The following CPSF7 variants were observed in gnomAD, a reference collection of about 807,000 sequenced individuals.
CPSF7 encodes the protein cleavage and polyadenylation specific factor 7.
Under a neutral mutation model 44.3 loss-of-function variants are expected in CPSF7, and 1 was observed. The ratio of observed to expected loss-of-function variants is 0.02; its 90% CI spans 0.01 to 0.11. The LOEUF (loss-of-function observed/expected upper bound fraction) is 0.11. CPSF7 is among the 10% of genes least tolerant of loss of function. The pLI is 1.00. For synonymous variants in CPSF7, 202 were observed against 222.0 expected (o/e 0.91, Z 0.80); for missense variants, 443 against 607.2 (o/e 0.73, Z 2.84).
chr11:61,420,869 T>C (rs1338929188), intron 3 of CPSF7: 1 of 487,698 alleles, frequency 2.1e-6, no homozygotes, highest in Non-Finnish European at 3.7e-6. Flanking sequence ...AATTTTTTAA[T>C]TATAGATCTG....
intron 2 of CPSF7, among the ~76,000 whole-genome samples, chr11:61,422,790 A>G (rs1861004586): frequency 6.6e-6 from 1 of 152,176 alleles, no homozygotes; most frequent in Non-Finnish European, 1.5e-5. Flanking sequence ...TATATACCAA[A>G]ACCCCTAAAA....
At chr11:61,410,141 A>T (rs1859721825) in intron 9 of CPSF7, among the ~76,000 whole-genome samples, 1 of 151,672 alleles carries the variant, frequency 6.6e-6, no homozygotes, top group Non-Finnish European at 1.5e-5. Context: ...ACTGTCGCTC[A>T]GGCCAGAGTG....
intron 2 of CPSF7, 45 bp from the exon 3 acceptor site, chr11:61,421,653 T>C (rs2135372890): frequency 1.5e-6 from 2 of 1,335,852 alleles, no homozygotes; most frequent in Non-Finnish European, 2.1e-6. Flanking sequence ...AAACTTCATT[T>C]TGTTCATTCT....
chr11:61,428,089 A>C (rs926793149), intron 2 of CPSF7, among the ~76,000 whole-genome samples: 2 of 152,246 alleles, frequency 1.3e-5, no homozygotes, highest in African/African-American at 4.8e-5. Flanking sequence ...GCAAGATATT[A>C]GTACGTTTTC....
Position 61,404,501 on chromosome 11 carries a change from T to C in CPSF7, c.*209A>G, listed in dbSNP as rs1172213879. On this transcript the variant is annotated 3_prime_UTR_variant, in exon 10 of 10. Coordinates refer to ENST00000439958, the MANE Select transcript of CPSF7 (RefSeq NM_001142565.3). The stretch of plus-strand genomic sequence containing the variant: ...AATCACACGAAGTCTTTAGGTTCTT[T>C]CCCCTGGCAAACAGGAGGTGTGGGA... 4.6e-5 allele frequency: 7 copies of C among 152,610 alleles called. No homozygotes were observed. Among genetic ancestry groups the C allele is most frequent in the Non-Finnish European group, 1.0e-4 (7 of 68,064 alleles). The allele number at this position is 152,610 out of a possible 1,614,324, so 9.5% of individuals were successfully genotyped here.
chr11:61,406,732 CTTATT>C (rs1859361785), intron 9 of CPSF7, among the ~76,000 whole-genome samples: 1 of 152,150 alleles, frequency 6.6e-6, no homozygotes, highest in Admixed American at 6.5e-5. Flanking sequence ...ATAGTCTCAT[CTTATT>C]TTATTTTTAT....
chr11:61,406,867 C>G (rs1859378349), intron 9 of CPSF7, among the ~76,000 whole-genome samples: 1 of 152,098 alleles, frequency 6.6e-6, no homozygotes, highest in South Asian at 2.1e-4. Context: ...CTAAGTGCCC[C>G]CAAGTAGCTG....
Position 61,406,403 on chromosome 11 carries a change from C to G in CPSF7, c.*6-1699G>C, listed in dbSNP as rs183525184. ...CTAAAAGGTTGCTATAAATGAGGACCATGTACCATCTTCCCAACATGAAAC... is the reference window on the plus strand; with the variant it reads ...CTAAAAGGTTGCTATAAATGAGGACGATGTACCATCTTCCCAACATGAAAC... On this transcript the variant is annotated intron_variant, in intron 9 of 9. Transcript: ENST00000439958. Among the ~76,000 whole-genome samples, 1,102 of 152,232 alleles carry G rather than the reference C, an allele frequency of 7.2e-3. 10 individuals carry two copies. The highest frequency in any genetic ancestry group is 0.019 in the South Asian group (90 of 4,830).
Position 61,411,019 on chromosome 11 carries a change from C to T in CPSF7, c.1313G>A (p.Arg438Gln), listed in dbSNP as rs765883370. The change falls in exon 9 of 10, where the codon CGG becomes CAG. Residue 438 changes from arginine to glutamine, a missense_variant. By Grantham distance (43) the Arg-to-Gln change is conservative. Coordinates refer to ENST00000439958, the MANE Select transcript of CPSF7 (RefSeq NM_001142565.3). ...CCTTTCTTGGAAATAATCATCATGCCGATCTTCATTATGAAGCAGATCCCG... is the reference window on the plus strand; with the variant it reads ...CCTTTCTTGGAAATAATCATCATGCTGATCTTCATTATGAAGCAGATCCCG... Reference protein sequence around the residue: ...RHRDLLHNEDRHDDYFQERNR... With the variant: ...RHRDLLHNEDQHDDYFQERNR... The T allele has an allele frequency of 3.1e-6, 5 of 1,613,578 alleles. No homozygotes were observed. Among genetic ancestry groups the T allele is most frequent in the Non-Finnish European group, 4.2e-6 (5 of 1,179,928 alleles).
intron 2 of CPSF7, among the ~76,000 whole-genome samples, chr11:61,423,831 A>T (rs975353128): frequency 6.6e-6 from 1 of 152,238 alleles, no homozygotes; most frequent in African/African-American, 2.4e-5. Context: ...TATTATAAGA[A>T]CCTTTGGAAA....
At chr11:61,423,444 T>C (rs1457895032) in intron 2 of CPSF7, among the ~76,000 whole-genome samples, 1 of 152,172 alleles carries the variant, frequency 6.6e-6, no homozygotes, top group Non-Finnish European at 1.5e-5. Flanking sequence ...GTGCTAGGAT[T>C]ACAGGCGTGA....
chr11:61,421,360 C>G, intron 3 of CPSF7, 30 bp downstream of exon 3: 2 of 1,588,680 alleles, frequency 1.3e-6, no homozygotes, highest in Non-Finnish European at 1.7e-6. Flanking sequence ...TCCAGCCCAC[C>G]CCTAAGCATT....
At chr11:61,428,186 T>C (rs1232408018) in intron 2 of CPSF7, among the ~76,000 whole-genome samples, 1 of 152,232 alleles carries the variant, frequency 6.6e-6, no homozygotes, top group African/African-American at 2.4e-5. Context: ...AGAGAATTTT[T>C]CTTGTGTTTT....
chr11:61,414,528 A>AACC (rs1396219565), intron 7 of CPSF7, among the ~76,000 whole-genome samples: 2 of 152,224 alleles, frequency 1.3e-5, no homozygotes, highest in Non-Finnish European at 2.9e-5. Flanking sequence ...TTCTGTCTTT[A>AACC]ACCTTCTCTG....
chr11:61,421,217 G>C, intron 3 of CPSF7, 173 bp downstream of exon 3: 1 of 1,050,338 alleles, frequency 9.5e-7, no homozygotes, highest in Non-Finnish European at 1.4e-6. Flanking sequence ...TTCGGCACCA[G>C]TACGTCCTCA....
Position 61,416,376 on chromosome 11 carries a change from G to A in CPSF7, c.667C>T (p.Leu223Phe), listed in dbSNP as rs770786938. The A allele has an allele frequency of 6.2e-7, 1 of 1,611,666 alleles. No individual in the cohort carries two copies. ...GGTGGGGGCAGACCCATCAGGGGAA[G>A]GGCCGAAGGAGGACGATTGAAGTAG... ...LPYFNRPPSA[L>F]PLMGLPPPPI... The change falls in exon 6 of 10, where the codon CTT becomes TTT. Residue 223 changes from leucine (L) to phenylalanine (F), a missense_variant. Coordinates refer to ENST00000439958, the MANE Select transcript of CPSF7 (RefSeq NM_001142565.3).
intron 9 of CPSF7, among the ~76,000 whole-genome samples, chr11:61,408,896 C>A (rs1398161169): frequency 6.6e-6 from 1 of 152,210 alleles, no homozygotes. Context: ...AAAATTACAG[C>A]CAGTCGCAGT....
chr11:61,429,942 C>G lies in CPSF7; in HGVS notation c.-84G>C. 1.4e-6 allele frequency: 2 copies of G among 1,394,562 alleles called. No homozygotes were observed. Among genetic ancestry groups the G allele is most frequent in the Non-Finnish European group, 9.6e-7 (1 of 1,042,862 alleles). 86.4% of individuals were successfully genotyped at this position (1,394,562 alleles called of 1,614,324 possible). A position where few individuals can be genotyped will look rare whatever the true frequency, so the allele number is the denominator to read the frequency against. On this transcript the variant is annotated 5_prime_UTR_variant, in exon 1 of 10. Transcript: ENST00000439958. ...GAATATGGCGGCGGCGGCGGCGAGTCCGGACTAGGCCCGAAGCGCGCGAAC... is the reference window on the plus strand; with the variant it reads ...GAATATGGCGGCGGCGGCGGCGAGTGCGGACTAGGCCCGAAGCGCGCGAAC...
intron 7 of CPSF7, among the ~76,000 whole-genome samples, chr11:61,415,164 G>A (rs1406250141): frequency 6.6e-6 from 1 of 152,174 alleles, no homozygotes; most frequent in East Asian, 1.9e-4. Flanking sequence ...CTTGAAACCA[G>A]GAGGTGGAGG....
Sources: gnomAD v4.1 joint callset for allele counts (sites outside exome capture counted in the v4.1 genomes callset) on GRCh38, gnomAD v4.1.1 for gene constraint, MANE v1.5 for transcripts, NCBI Gene and HGNC (gene_info 2026-07-23, HGNC 2026-07-21) for gene names.